CNTN3: variants seen among roughly 807,000 people sequenced by gnomAD.
The protein encoded by CNTN3 is contactin-3.
CNTN3 carries 60 observed loss-of-function variants against 119.1 expected under a neutral mutation model. The observed-to-expected ratio is 0.50, with a 90% CI of 0.41 to 0.62. The LOEUF (loss-of-function observed/expected upper bound fraction) is 0.62. Ranked by LOEUF, CNTN3 falls within the 20% of genes least tolerant of loss-of-function variation. The probability of loss-of-function intolerance (pLI) is 0.00; values close to 1 mark genes in which losing one functional copy is unlikely to be tolerated. For synonymous variants in CNTN3, 450 were observed against 438.7 expected (o/e 1.03, Z -0.32); for missense variants, 1,101 against 1,242.4 (o/e 0.89, Z 1.71).
chr3:74,397,488 G>C (rs922458640), intron 5 of CNTN3, among the ~76,000 whole-genome samples: 1 of 137,910 alleles, frequency 7.3e-6, no homozygotes, highest in African/African-American at 2.7e-5. Flanking sequence ...TATGTGTTCT[G>C]ATTACTTTGC....
At chr3:74,344,512 G>C (rs854699) in intron 11 of CNTN3, among the ~76,000 whole-genome samples, 1 of 147,530 alleles carries the variant, frequency 6.8e-6, no homozygotes. Flanking sequence ...TGCAAGCTCC[G>C]CCTCCCGAGT....
intron 20 of CNTN3, among the ~76,000 whole-genome samples, chr3:74,284,999 A>C (rs1170035934): frequency 6.6e-6 from 1 of 152,218 alleles, no homozygotes; most frequent in African/African-American, 2.4e-5. Context: ...GAAACTAAAA[A>C]TACATGAAAG....
intron 13 of CNTN3, among the ~76,000 whole-genome samples, chr3:74,314,764 C>T (rs1702788078): frequency 6.6e-6 from 1 of 152,212 alleles, no homozygotes; most frequent in South Asian, 2.1e-4. Context: ...CAAGTAAAGA[C>T]TTAGTTGACC....
At chr3:74,556,493 T>TA (rs1256589112) in intron 1 of CNTN3, among the ~76,000 whole-genome samples, 1 of 152,226 alleles carries the variant, frequency 6.6e-6, no homozygotes, top group Admixed American at 6.5e-5. Flanking sequence ...TGTAGCTGAA[T>TA]AATATTCCAC....
chr3:74,301,855 T>A (rs1231572378), intron 14 of CNTN3, 50 bp from the exon 15 acceptor site: 32 of 1,576,250 alleles, frequency 2.0e-5, no homozygotes, highest in Non-Finnish European at 2.8e-5. Flanking sequence ...ATAAATGTCA[T>A]CCTCTCCTAT....
chr3:74,509,047 T>C (rs1703316390), intron 2 of CNTN3, among the ~76,000 whole-genome samples: 2 of 152,186 alleles, frequency 1.3e-5, no homozygotes, highest in South Asian at 4.1e-4. Flanking sequence ...AAATACTGTG[T>C]ATTGCCAAAA....
intron 5 of CNTN3, among the ~76,000 whole-genome samples, chr3:74,408,909 A>G (rs187730174): frequency 7.3e-4 from 111 of 152,278 alleles, no homozygotes; most frequent in South Asian, 1.7e-3. Context: ...GAACTAACAT[A>G]CAGTAAAATT....
chr3:74,466,580 G>A (rs537467240), intron 4 of CNTN3, among the ~76,000 whole-genome samples: 6 of 152,192 alleles, frequency 3.9e-5, no homozygotes, highest in Non-Finnish European at 7.4e-5. Context: ...ACTTAAGGCC[G>A]AGATGAGTTG....
chr3:74,471,985 T>C (rs930126928), intron 4 of CNTN3, among the ~76,000 whole-genome samples: 3 of 152,218 alleles, frequency 2.0e-5, no homozygotes, highest in Non-Finnish European at 1.5e-5. Context: ...AATAAATGAA[T>C]GAACTCAAAC....
intron 13 of CNTN3, among the ~76,000 whole-genome samples, chr3:74,330,308 A>T (rs1244304300): frequency 6.6e-6 from 1 of 151,814 alleles, no homozygotes; most frequent in Non-Finnish European, 1.5e-5. Context: ...GTGAGTCAAG[A>T]TCGTGCCACT....
intron 12 of CNTN3, among the ~76,000 whole-genome samples, chr3:74,336,203 T>C (rs1387919729): frequency 6.6e-6 from 1 of 151,962 alleles, no homozygotes; most frequent in Non-Finnish European, 1.5e-5. Context: ...AAATCAACTA[T>C]AATGAAAAAA....
intron 1 of CNTN3, among the ~76,000 whole-genome samples, chr3:74,576,468 A>G (rs1195033732): frequency 6.6e-6 from 1 of 152,188 alleles, no homozygotes; most frequent in Non-Finnish European, 1.5e-5. Flanking sequence ...GAGCAGAGAA[A>G]AAAAAATAAT....
At chr3:74,426,931 G>A (rs1195345444) in intron 4 of CNTN3, among the ~76,000 whole-genome samples, 2 of 152,124 alleles carry the variant, frequency 1.3e-5, no homozygotes, top group African/African-American at 4.8e-5. Flanking sequence ...CTAATTCCTT[G>A]TTATCTTCTG....
At chr3:74,454,586 G>C (rs550575199) in intron 4 of CNTN3, among the ~76,000 whole-genome samples, 2 of 151,956 alleles carry the variant, frequency 1.3e-5, no homozygotes, top group Non-Finnish European at 2.9e-5. Flanking sequence ...CTCGTTAGTT[G>C]ATGCAGTTTC....
chr3:74,407,705 T>TG (rs1559586789), intron 5 of CNTN3, among the ~76,000 whole-genome samples: 4 of 151,854 alleles, frequency 2.6e-5, no homozygotes, highest in African/African-American at 9.7e-5. Context: ...GACAGATGCA[T>TG]TGAACATCCT....
At chr3:74,594,718 C>T (rs1265739431) in intron 1 of CNTN3, among the ~76,000 whole-genome samples, 1 of 152,008 alleles carries the variant, frequency 6.6e-6, no homozygotes, top group Non-Finnish European at 1.5e-5. Context: ...TGGGTTGGTC[C>T]CAAGTCTTTG....
At chr3:74,520,556 T>C (rs1223843371) in intron 2 of CNTN3, among the ~76,000 whole-genome samples, 2 of 151,468 alleles carry the variant, frequency 1.3e-5, no homozygotes, top group Non-Finnish European at 3.0e-5. Flanking sequence ...GATAATTTTT[T>C]TTCATTTTTT....
At chr3:74,416,372 A>T (rs1189731482) in intron 5 of CNTN3, among the ~76,000 whole-genome samples, 1 of 152,176 alleles carries the variant, frequency 6.6e-6, no homozygotes, top group Non-Finnish European at 1.5e-5. Flanking sequence ...AGGTTCTGTG[A>T]TTATTCCCCA....
intron 4 of CNTN3, among the ~76,000 whole-genome samples, chr3:74,440,008 C>A (rs1372522008): frequency 1.3e-5 from 2 of 152,150 alleles, no homozygotes; most frequent in South Asian, 4.2e-4. Context: ...TATAAAGACC[C>A]AAGGCAATGA....
Sources: gnomAD v4.1 joint callset for allele counts (sites outside exome capture counted in the v4.1 genomes callset) on GRCh38, gnomAD v4.1.1 for gene constraint, MANE v1.5 for transcripts, NCBI Gene and HGNC (gene_info 2026-07-23, HGNC 2026-07-21) for gene names.